The following CSMD3 variants were observed in gnomAD, a reference collection of about 807,000 sequenced individuals.
CSMD3 encodes the protein CUB and Sushi multiple domains 3, also known as CUB and sushi domain-containing protein 3.
In CSMD3, 177 loss-of-function variants were observed where a neutral mutation model predicts 435.2. The ratio of observed to expected loss-of-function variants is 0.41; its 90% CI spans 0.36 to 0.46. The LOEUF is 0.46. Among genes scored for constraint, CSMD3 ranks in the 20% least tolerant of loss-of-function variants. CSMD3 has a pLI of 0.34. For missense variants in CSMD3, 4,265 were observed against 4,504.6 expected, an observed-to-expected ratio of 0.95 and a Z score of 1.52; for synonymous variants, 1,656 against 1,520.5, an observed-to-expected ratio of 1.09 and a Z score of -2.07.
intron 12 of CSMD3, among the ~76,000 whole-genome samples, chr8:112,824,067 A>G (rs887638098): frequency 6.6e-6 from 1 of 151,980 alleles, no homozygotes; most frequent in Non-Finnish European, 1.5e-5. Context: ...TCCCTTTACT[A>G]TTATGTAATA....
chr8:112,654,292 G>A (rs1221467979), intron 18 of CSMD3, among the ~76,000 whole-genome samples: 1 of 152,156 alleles, frequency 6.6e-6, no homozygotes, highest in Non-Finnish European at 1.5e-5. Context: ...AGAAAGAGAT[G>A]AATGAAAAGG....
chr8:113,188,899 T>C (rs1004556571), intron 3 of CSMD3, among the ~76,000 whole-genome samples: 1 of 151,912 alleles, frequency 6.6e-6, no homozygotes, highest in African/African-American at 2.4e-5. Context: ...ATTTTAACTA[T>C]GTTGTGAGTT....
intron 7 of CSMD3, among the ~76,000 whole-genome samples, chr8:112,960,840 T>C (rs1204844326): frequency 6.6e-6 from 1 of 151,796 alleles, no homozygotes; most frequent in Non-Finnish European, 1.5e-5. Flanking sequence ...TATTCATTTT[T>C]ATAATTATGT....
intron 5 of CSMD3, among the ~76,000 whole-genome samples, chr8:113,021,568 C>T (rs2086686016): frequency 6.6e-6 from 1 of 151,988 alleles, no homozygotes; most frequent in South Asian, 2.1e-4. Context: ...CCTAAAAGAC[C>T]CAGTTCAGTA....
At chr8:112,534,126 G>A (rs1303235602) in intron 27 of CSMD3, among the ~76,000 whole-genome samples, 6 of 152,028 alleles carry the variant, frequency 3.9e-5, no homozygotes, top group Non-Finnish European at 8.8e-5. Flanking sequence ...AGAAAAGCAA[G>A]AGTGAACACA....
chr8:112,959,585 T>C (rs141071735), intron 7 of CSMD3, among the ~76,000 whole-genome samples: 243 of 152,020 alleles, frequency 1.6e-3, no homozygotes, highest in African/African-American at 5.7e-3. Flanking sequence ...CTTTCTCGTC[T>C]TCTTTTGTGC....
intron 23 of CSMD3, among the ~76,000 whole-genome samples, chr8:112,576,527 T>C (rs1031378982): frequency 1.3e-5 from 2 of 151,960 alleles, no homozygotes; most frequent in Non-Finnish European, 2.9e-5. Flanking sequence ...TTTCCTTTTG[T>C]TTTCTTTTTT....
Position 112,244,467 on chromosome 8 carries a change from G to C in CSMD3, c.10329C>G (p.Phe3443Leu), listed in dbSNP as rs138574458. The C allele has an allele frequency of 6.2e-6, 10 of 1,613,792 alleles. No individual in the cohort carries two copies. The African/African-American group carries it at 1.3e-4, about 22-fold the overall frequency. The change falls in exon 65 of 71, where the codon TTC (phenylalanine) becomes TTG (leucine). Residue 3443 changes from phenylalanine to leucine, a missense_variant. Physicochemically the swap from Phe to Leu is conservative, Grantham distance 22. Coordinates refer to ENST00000297405, the MANE Select transcript of CSMD3 (RefSeq NM_198123.2). ...CTCTATGTTCTGTTCCACCTGCTAA[G>C]AAGAAGCCAGGCTGACAGGTATAAA... The part of the protein sequence containing the change: ...TLIYTCQPGF[F>L]LAGGTEHRVC...
At chr8:112,239,553 G>C (rs543376992) in intron 66 of CSMD3, among the ~76,000 whole-genome samples, 1 of 152,036 alleles carries the variant, frequency 6.6e-6, no homozygotes, top group Non-Finnish European at 1.5e-5. Context: ...CTTACCAGTA[G>C]GGCCACATAG....
chr8:112,272,930 G>C (rs1285066089), intron 59 of CSMD3, among the ~76,000 whole-genome samples: 1 of 152,072 alleles, frequency 6.6e-6, no homozygotes, highest in East Asian at 1.9e-4. Flanking sequence ...TTTTGCCTAT[G>C]AAGTACATAA....
At chr8:112,285,343 C>G (rs541298022) in intron 58 of CSMD3, among the ~76,000 whole-genome samples, 5 of 152,086 alleles carry the variant, frequency 3.3e-5, no homozygotes, top group Non-Finnish European at 7.4e-5. Context: ...TTTAGTCTCT[C>G]TTACTGTATT....
At chr8:113,287,609 C>T (rs1431006228) in intron 2 of CSMD3, among the ~76,000 whole-genome samples, 1 of 151,914 alleles carries the variant, frequency 6.6e-6, no homozygotes, top group Non-Finnish European at 1.5e-5. Flanking sequence ...GGCAAATTCA[C>T]CATGTTGGGA....
At chr8:113,303,377 C>A (rs2093789977) in intron 2 of CSMD3, among the ~76,000 whole-genome samples, 1 of 150,934 alleles carries the variant, frequency 6.6e-6, no homozygotes, top group Admixed American at 6.6e-5. Context: ...CATCAAGCTA[C>A]CAATGACTTT....
intron 52 of CSMD3, among the ~76,000 whole-genome samples, chr8:112,304,377 GTT>G (rs75534103): frequency 4.3e-4 from 61 of 141,544 alleles, no homozygotes; most frequent in Non-Finnish European, 4.6e-4. Context: ...TGGGGCAAAG[GTT>G]TTTTTTTTTT....
intron 1 of CSMD3, among the ~76,000 whole-genome samples, chr8:113,431,052 G>T (rs964637562): frequency 6.6e-6 from 1 of 152,128 alleles, no homozygotes; most frequent in Non-Finnish European, 1.5e-5. Flanking sequence ...TTTTAAAAGC[G>T]ATGTCCCTGA....
chr8:112,560,012 G>A (rs1828475792), intron 24 of CSMD3, among the ~76,000 whole-genome samples: 1 of 151,674 alleles, frequency 6.6e-6, no homozygotes, highest in Non-Finnish European at 1.5e-5. Context: ...ACTTTTATAG[G>A]CATAGATTCT....
intron 5 of CSMD3, among the ~76,000 whole-genome samples, chr8:113,071,656 C>A (rs911757314): frequency 6.6e-6 from 1 of 151,812 alleles, no homozygotes; most frequent in African/African-American, 2.4e-5. Context: ...TCTATCTATT[C>A]TGTTCCATTG....
At chr8:113,216,812 G>A (rs2092911305) in intron 3 of CSMD3, among the ~76,000 whole-genome samples, 1 of 151,758 alleles carries the variant, frequency 6.6e-6, no homozygotes, top group African/African-American at 2.4e-5. Context: ...CTGGAATTGT[G>A]GACAGGGTAC....
At chr8:112,763,140 T>C (rs2077885498) in intron 13 of CSMD3, among the ~76,000 whole-genome samples, 1 of 151,690 alleles carries the variant, frequency 6.6e-6, no homozygotes, top group Non-Finnish European at 1.5e-5. Context: ...ATTTCAAATA[T>C]CATGTCGTAG....
Sources: allele counts gnomAD v4.1 joint callset (sites outside exome capture counted in the v4.1 genomes callset), GRCh38; gene constraint gnomAD v4.1.1; transcripts MANE v1.5; gene names NCBI Gene and HGNC (gene_info 2026-07-23, HGNC 2026-07-21).